Variants in NRXN3 observed in about 807,000 individuals in gnomAD.
NRXN3 encodes the protein neurexin 3.
Under a neutral mutation model 137.6 loss-of-function variants are expected in NRXN3, and 32 were observed. The ratio of observed to expected loss-of-function variants is 0.23; its 90% CI spans 0.18 to 0.31. The LOEUF (loss-of-function observed/expected upper bound fraction) is 0.31, where lower values mean the gene tolerates loss of function less well. Among genes scored for constraint, NRXN3 ranks in the 10% least tolerant of loss-of-function variants. NRXN3 has a pLI of 1.00. For missense variants in NRXN3, 1,574 were observed against 2,062.5 expected, an observed-to-expected ratio of 0.76 and a Z score of 4.59; for synonymous variants, 798 against 784.5, an observed-to-expected ratio of 1.02 and a Z score of -0.29.
intron 15 of NRXN3, among the ~76,000 whole-genome samples, chr14:79,434,361 G>A (rs1443991285): frequency 6.6e-6 from 1 of 152,076 alleles, no homozygotes; most frequent in Non-Finnish European, 1.5e-5. Context: ...TCAAGCTGAA[G>A]TCAAAGAAGC....
chr14:79,378,255 T>G (rs2094363774), intron 15 of NRXN3, among the ~76,000 whole-genome samples: 2 of 152,200 alleles, frequency 1.3e-5, no homozygotes, highest in African/African-American at 2.4e-5. Context: ...AAAATGTTGA[T>G]GACTCTGGCA....
At chr14:78,970,885 C>A (rs995965452) in intron 14 of NRXN3, among the ~76,000 whole-genome samples, 1 of 152,156 alleles carries the variant, frequency 6.6e-6, no homozygotes, top group East Asian at 1.9e-4. Context: ...AATAGCACTG[C>A]ACTCTATTGC....
intron 8 of NRXN3, among the ~76,000 whole-genome samples, chr14:78,731,007 G>C (rs965333319): frequency 1.1e-4 from 16 of 152,054 alleles, no homozygotes; most frequent in Admixed American, 5.2e-4. Flanking sequence ...CCTCCCTTCA[G>C]ATATCTCACT....
chr14:78,234,331 A>C (rs2153442307), intron 1 of NRXN3, among the ~76,000 whole-genome samples: 1 of 152,332 alleles, frequency 6.6e-6, no homozygotes, highest in East Asian at 1.9e-4. Context: ...GCAACAGTAG[A>C]TAACATTTAT....
chr14:78,280,702 G>GGC (rs2074289733), intron 3 of NRXN3, among the ~76,000 whole-genome samples: 1 of 152,136 alleles, frequency 6.6e-6, no homozygotes, highest in East Asian at 1.9e-4. Flanking sequence ...TTTTTCTAGT[G>GGC]CTCACACAGG....
chr14:79,654,556 A>G (rs905726589), intron 16 of NRXN3, among the ~76,000 whole-genome samples: 2 of 152,188 alleles, frequency 1.3e-5, no homozygotes, highest in Non-Finnish European at 2.9e-5. Flanking sequence ...ATTTATAAAA[A>G]CAGGGAACAA....
intron 4 of NRXN3, among the ~76,000 whole-genome samples, chr14:78,389,216 T>G (rs560962212): frequency 2.0e-4 from 31 of 152,152 alleles, no homozygotes; most frequent in African/African-American, 7.2e-4. Flanking sequence ...CCACCATGCC[T>G]GGCTAATTTC....
intron 20 of NRXN3, among the ~76,000 whole-genome samples, chr14:79,846,103 G>A (rs951591247): frequency 4.6e-5 from 7 of 152,086 alleles, no homozygotes; most frequent in African/African-American, 1.7e-4. Flanking sequence ...AAGAAAAAAA[G>A]TAGAAATGTG....
At chr14:78,504,038 C>A (rs1057342877) in intron 4 of NRXN3, among the ~76,000 whole-genome samples, 1 of 152,168 alleles carries the variant, frequency 6.6e-6, no homozygotes, top group African/African-American at 2.4e-5. Context: ...GTCTTTACTG[C>A]AGGATTTCTC....
intron 15 of NRXN3, among the ~76,000 whole-genome samples, chr14:78,994,146 G>A (rs143176756): frequency 4.6e-5 from 7 of 151,934 alleles, no homozygotes; most frequent in African/African-American, 1.7e-4. Context: ...GAGCCACTGC[G>A]CCTGGCTGCC....
chr14:78,180,626 T>C (rs1202094493), intron 1 of NRXN3, among the ~76,000 whole-genome samples: 1 of 152,216 alleles, frequency 6.6e-6, no homozygotes, highest in Non-Finnish European at 1.5e-5. Flanking sequence ...AGCTGTGTTC[T>C]ATTGTCCCAT....
chr14:78,296,866 A>C (rs2076396619), intron 3 of NRXN3, among the ~76,000 whole-genome samples: 1 of 152,058 alleles, frequency 6.6e-6, no homozygotes, highest in African/African-American at 2.4e-5. Flanking sequence ...TTTTGCTCAG[A>C]GTAAGGTTCT....
At chr14:78,536,113 T>C (rs1439941622) in intron 4 of NRXN3, among the ~76,000 whole-genome samples, 1 of 152,194 alleles carries the variant, frequency 6.6e-6, no homozygotes, top group East Asian at 1.9e-4. Flanking sequence ...ACCAAGTCAA[T>C]GCAACTTCGA....
At chr14:78,746,877 A>C (rs961158107) in intron 8 of NRXN3, among the ~76,000 whole-genome samples, 1 of 152,216 alleles carries the variant, frequency 6.6e-6, no homozygotes, top group African/African-American at 2.4e-5. Context: ...ATTTTTGTTA[A>C]GACTATGATG....
At chr14:79,115,937 TG>T (rs1279990389) in intron 15 of NRXN3, among the ~76,000 whole-genome samples, 2 of 152,172 alleles carry the variant, frequency 1.3e-5, no homozygotes, top group African/African-American at 4.8e-5. Flanking sequence ...ACTAAGCCTA[TG>T]GGGTAGATTT....
intron 15 of NRXN3, among the ~76,000 whole-genome samples, chr14:79,399,874 C>T (rs1191310209): frequency 3.3e-5 from 5 of 152,052 alleles, no homozygotes; most frequent in African/African-American, 1.2e-4. Context: ...GAGAATTCTT[C>T]CTTGCCTTTT....
At chr14:79,783,136 G>T (rs2099119080) in intron 19 of NRXN3, among the ~76,000 whole-genome samples, 1 of 152,206 alleles carries the variant, frequency 6.6e-6, no homozygotes, top group African/African-American at 2.4e-5. Flanking sequence ...TTTGATAGAA[G>T]TGTGTTTTTA....
chr14:79,305,840 T>A (rs559466227), intron 15 of NRXN3, among the ~76,000 whole-genome samples: 2 of 152,170 alleles, frequency 1.3e-5, no homozygotes, highest in East Asian at 3.9e-4. Flanking sequence ...CATTGGAAGA[T>A]CCCTAAGGTG....
intron 15 of NRXN3, among the ~76,000 whole-genome samples, chr14:79,354,071 A>G (rs1233599284): frequency 1.3e-5 from 2 of 152,152 alleles, no homozygotes; most frequent in African/African-American, 4.8e-5. Context: ...TTCCGACCCT[A>G]AGTGAAAGTG....
Sources: gnomAD v4.1 joint callset for allele counts (sites outside exome capture counted in the v4.1 genomes callset) on GRCh38, gnomAD v4.1.1 for gene constraint, MANE v1.5 for transcripts, NCBI Gene and HGNC (gene_info 2026-07-23, HGNC 2026-07-21) for gene names.